Variants in FAM117A observed in about 807,000 individuals in gnomAD.
FAM117A encodes protein FAM117A.
FAM117A carries 21 observed loss-of-function variants against 44.1 expected under a neutral mutation model. The ratio of observed to expected loss-of-function variants is 0.48; its 90% CI spans 0.34 to 0.69. FAM117A has a LOEUF of 0.69. Ranked by LOEUF, FAM117A falls within the 30% of genes least tolerant of loss-of-function variation. FAM117A has a pLI of 0.01. For missense variants in FAM117A, 498 were observed against 589.9 expected, an observed-to-expected ratio of 0.84 and a Z score of 1.61; for synonymous variants, 220 against 238.3, an observed-to-expected ratio of 0.92 and a Z score of 0.71.
At chr17:49,719,583 A>T in intron 5 of FAM117A, 177 bp downstream of exon 5, 1 of 759,518 alleles carries the variant, frequency 1.3e-6, no homozygotes. Flanking sequence ...GACATGGGTT[A>T]AGGCCATTTG....
upstream of FAM117A, chr17:49,788,687 C>T (rs2073838549): frequency 2.4e-6 from 2 of 826,856 alleles, no homozygotes; most frequent in Non-Finnish European, 3.6e-6. Context: ...CTGCGCAGAA[C>T]GCTCCAGACG....
chr17:49,769,435 A>AC (rs2073754627), intron 1 of FAM117A, among the ~76,000 whole-genome samples: 1 of 152,204 alleles, frequency 6.6e-6, no homozygotes, highest in Non-Finnish European at 1.5e-5. Flanking sequence ...GCGGTGGCTC[A>AC]CGCCTGTAAT....
chr17:49,711,303 G>A lies in FAM117A; in HGVS notation c.1314C>T (p.Thr438=). The change falls in exon 8 of 8, where the codon ACC becomes ACT. Residue 438 remains threonine (T), a synonymous_variant. Coordinates refer to ENST00000240364, the MANE Select transcript of FAM117A (RefSeq NM_030802.4). ...SPLPFEPWQR[T]PPSEEPVLFQ... ...AAAGCACAGGCTCTTCTGATGGTGG[G>A]GTGCGCTGCCATGGCTCGAATGGCA... 1 of 1,610,324 alleles carries A rather than the reference G, an allele frequency of 6.2e-7. No individual in the cohort carries two copies. The highest frequency in any genetic ancestry group is 8.5e-7 in the Non-Finnish European group (1 of 1,177,612).
At chr17:49,724,280 A>C (rs2073549004) in intron 2 of FAM117A, 2 of 450,102 alleles carry the variant, frequency 4.4e-6, no homozygotes, top group Non-Finnish European at 8.9e-6. Flanking sequence ...TGGGCCCCGC[A>C]CCCCCCACAC....
intron 1 of FAM117A, among the ~76,000 whole-genome samples, chr17:49,777,175 C>A (rs1055165221): frequency 1.3e-5 from 2 of 152,184 alleles, no homozygotes; most frequent in African/African-American, 4.8e-5. Context: ...GCTTAGCTTG[C>A]AGCCTTCTGC....
At chr17:49,734,708 G>GTA (rs1555595980) in intron 1 of FAM117A, among the ~76,000 whole-genome samples, 8 of 152,250 alleles carry the variant, frequency 5.3e-5, no homozygotes, top group Non-Finnish European at 1.5e-5. Context: ...CCACTCCTAG[G>GTA]TATATACCAA....
chr17:49,715,185 G>T (rs896303035), intron 7 of FAM117A, among the ~76,000 whole-genome samples: 1 of 152,182 alleles, frequency 6.6e-6, no homozygotes, highest in African/African-American at 2.4e-5. Context: ...AGAGGACCTA[G>T]GAGTCTTGAA....
intron 1 of FAM117A, among the ~76,000 whole-genome samples, chr17:49,778,670 C>T (rs1445873442): frequency 6.6e-6 from 1 of 152,112 alleles, no homozygotes; most frequent in East Asian, 1.9e-4. Flanking sequence ...CTTCATTTAC[C>T]CACTTGCCAT....
upstream of FAM117A, chr17:49,788,776 C>T (rs974430993): frequency 2.6e-6 from 4 of 1,550,922 alleles, no homozygotes; most frequent in South Asian, 3.5e-5. Flanking sequence ...GCCGGAGCCA[C>T]CGTTCCTGCT....
chr17:49,720,325 C>A lies in FAM117A; in HGVS notation c.573+1G>T, dbSNP rs781550438. The A allele has an allele frequency of 6.2e-7, 1 of 1,611,040 alleles. No individual in the cohort carries two copies. The highest frequency in any genetic ancestry group is 8.5e-7 in the Non-Finnish European group (1 of 1,177,684). ...GGAGAGGGCTGGGGGAGAAAACATA[C>A]CCTCAGTGCTCCCCGCACTGCGTGG... On this transcript the variant is annotated splice_donor_variant, in intron 4 of 7. Transcript: ENST00000240364. LOFTEE classifies it high-confidence loss of function.
intron 1 of FAM117A, among the ~76,000 whole-genome samples, chr17:49,743,009 C>G (rs1324702991): frequency 1.3e-5 from 2 of 152,306 alleles, no homozygotes; most frequent in Non-Finnish European, 2.9e-5. Flanking sequence ...GGGCCTATGA[C>G]ACACCCCCAT....
At chr17:49,731,827 C>CCA (rs2073586570) in intron 2 of FAM117A, among the ~76,000 whole-genome samples, 1 of 151,914 alleles carries the variant, frequency 6.6e-6, no homozygotes, top group Admixed American at 6.6e-5. Context: ...GCTCTGTCAC[C>CCA]CAGGATGGAA....
rs2073643522 is a variant in FAM117A at position 49,743,704 on chromosome 17, G to C, written c.197-10984C>G. On this transcript the variant is annotated intron_variant, in intron 1 of 7. Coordinates refer to ENST00000240364, the MANE Select transcript of FAM117A (RefSeq NM_030802.4). Reference sequence around the variant, plus strand: ...AGATCGTGCCACTGCACTCCAGCCTGGGCAACAGAGTGAGACTCTGTCTCA... The same window carrying C: ...AGATCGTGCCACTGCACTCCAGCCTCGGCAACAGAGTGAGACTCTGTCTCA... Among the ~76,000 whole-genome samples, 2 of 151,828 alleles carry C rather than the reference G, an allele frequency of 1.3e-5. 1 individual carries two copies. The highest frequency in any genetic ancestry group is 4.8e-5 in the African/African-American group (2 of 41,306).
upstream of FAM117A, chr17:49,788,636 C>A: frequency 2.0e-6 from 1 of 511,528 alleles, no homozygotes; most frequent in Non-Finnish European, 3.4e-6. Flanking sequence ...GACGCGAGAC[C>A]CAGCCGGAAG....
chr17:49,783,374 GAGA>G (rs2073795489), intron 1 of FAM117A, among the ~76,000 whole-genome samples: 1 of 152,194 alleles, frequency 6.6e-6, no homozygotes, highest in Admixed American at 6.5e-5. Context: ...GCAGAGGTGG[GAGA>G]AGAACTGCTA....
At position 49,749,315 on chromosome 17, in the gene FAM117A, C is replaced by T. The variant is rs367675151; in HGVS notation, c.196+14577G>A. 6.6e-5 allele frequency among the ~76,000 whole-genome samples: 10 copies of T among 152,178 alleles called. No homozygotes were observed. The East Asian group carries it at 1.9e-3, about 29-fold the overall frequency. On this transcript the variant is annotated intron_variant, in intron 1 of 7. Transcript: ENST00000240364. The stretch of plus-strand genomic sequence containing the variant: ...AATGAAGGCCAGGCGCAGTGGCTCA[C>T]ACCTGTAATCCCAGCACTTTGGGAG...
intron 1 of FAM117A, among the ~76,000 whole-genome samples, chr17:49,733,464 G>C (rs2073595787): frequency 6.6e-6 from 1 of 151,760 alleles, no homozygotes; most frequent in African/African-American, 2.4e-5. Flanking sequence ...CTTGAGGTCA[G>C]GAGTTTGAGA....
intron 1 of FAM117A, among the ~76,000 whole-genome samples, chr17:49,750,771 C>T (rs1309014568): frequency 6.6e-6 from 1 of 151,780 alleles, no homozygotes; most frequent in African/African-American, 2.4e-5. Flanking sequence ...AGCAAAACTC[C>T]ATCTCAAAAA....
rs539473950 is a variant in FAM117A, at chr17:49,751,373, G to C, written c.196+12519C>G. Among the ~76,000 whole-genome samples the C allele has an allele frequency of 2.6e-5, 4 of 151,200 alleles. No individual in the cohort carries two copies. In the South Asian group the frequency reaches 8.4e-4, roughly 32 times the overall value. ...AGGCAGGTGGATCACGAGGTCAAGA[G>C]ATCGAGACCATCCTGGTCAACATGG... is the stretch of plus-strand genomic sequence containing the variant. On this transcript the variant is annotated intron_variant, in intron 1 of 7. Coordinates refer to ENST00000240364, the MANE Select transcript of FAM117A (RefSeq NM_030802.4).
Sources: gnomAD v4.1 joint callset for allele counts (sites outside exome capture counted in the v4.1 genomes callset) on GRCh38, gnomAD v4.1.1 for gene constraint, MANE v1.5 for transcripts, NCBI Gene and HGNC (gene_info 2026-07-23, HGNC 2026-07-21) for gene names.